Variants in PPP2R1B observed in about 807,000 individuals in gnomAD.
PPP2R1B encodes the protein serine/threonine-protein phosphatase 2A 65 kDa regulatory subunit A beta isoform.
PPP2R1B carries 58 observed loss-of-function variants against 72.7 expected under a neutral mutation model. The ratio of observed to expected loss-of-function variants is 0.80; its 90% CI spans 0.65 to 0.99. The LOEUF (loss-of-function observed/expected upper bound fraction) is 0.99, where lower values mean the gene tolerates loss of function less well. PPP2R1B is among the 50% of genes least tolerant of loss of function. PPP2R1B has a pLI of 0.00. For missense variants in PPP2R1B, 695 were observed against 733.6 expected (o/e 0.95, Z 0.61); for synonymous variants, 256 against 264.6 (o/e 0.97, Z 0.32).
At chr11:111,694,246 AAGGCTTTAAAGCCTTATT>A in the PPP2R1B span, among the ~76,000 whole-genome samples, 2 of 152,230 alleles carry the variant, frequency 1.3e-5, no homozygotes, top group African/African-American at 4.8e-5. Flanking sequence ...TTAATTAACT[AAGGCTTTAAAGCCTTATT>A]AATACAAACC....
the PPP2R1B span, among the ~76,000 whole-genome samples, chr11:111,706,566 T>G: frequency 5.3e-5 from 8 of 152,238 alleles, no homozygotes; most frequent in African/African-American, 1.9e-4. Context: ...TATAATAAAA[T>G]TTTGCATTGG....
chr11:111,751,775 C>T (rs1944916310), intron 10 of PPP2R1B, among the ~76,000 whole-genome samples: 1 of 152,126 alleles, frequency 6.6e-6, no homozygotes, highest in African/African-American at 2.4e-5. Context: ...GTCAGGAATT[C>T]AAGACCAGCC....
chr11:111,689,984 G>GTA, the PPP2R1B span, among the ~76,000 whole-genome samples: 406 of 148,732 alleles, frequency 2.7e-3, no homozygotes, highest in South Asian at 0.015. Flanking sequence ...GTGTGTATGT[G>GTA]TATATATATA....
the PPP2R1B span, among the ~76,000 whole-genome samples, chr11:111,698,718 A>G: frequency 6.6e-6 from 1 of 152,242 alleles, no homozygotes. Context: ...CTCAAAAAAG[A>G]AAAGAAAGAA....
At chr11:111,742,186 G>A in intron 13 of PPP2R1B, 42 bp from the exon 14 acceptor site, 1 of 1,470,218 alleles carries the variant, frequency 6.8e-7, no homozygotes, top group South Asian at 1.1e-5. Context: ...AGTCTAATGG[G>A]CCATAGAAAT....
downstream of PPP2R1B, chr11:111,737,620 C>T: frequency 1.2e-6 from 2 of 1,609,998 alleles, no homozygotes; most frequent in Non-Finnish European, 8.5e-7. Flanking sequence ...GGGCACATCC[C>T]TCCCAAGCCC....
At chr11:111,693,144 C>T in the PPP2R1B span, among the ~76,000 whole-genome samples, 6 of 151,960 alleles carry the variant, frequency 3.9e-5, no homozygotes, top group East Asian at 1.9e-4. Flanking sequence ...CCATCCTGGC[C>T]AACATGGTGA....
intron 1 of PPP2R1B, 199 bp downstream of exon 1, chr11:111,766,049 G>A (rs1945522554): frequency 1.6e-6 from 1 of 614,752 alleles, no homozygotes; most frequent in African/African-American, 1.9e-5. Context: ...CCGAAGCAAG[G>A]TTACTAGAGA....
chr11:111,711,942 T>C, the PPP2R1B span, among the ~76,000 whole-genome samples: 2 of 152,250 alleles, frequency 1.3e-5, no homozygotes, highest in African/African-American at 4.8e-5. Context: ...AAAAGCTAGC[T>C]TTCTCGTCAC....
At chr11:111,756,225 A>AG (rs1207224424) in intron 5 of PPP2R1B, among the ~76,000 whole-genome samples, 1 of 148,630 alleles carries the variant, frequency 6.7e-6, no homozygotes, top group Non-Finnish European at 1.5e-5. Flanking sequence ...ACAAAAAGGA[A>AG]AAAAAAAAAA....
At chr11:111,706,253 T>C in the PPP2R1B span, among the ~76,000 whole-genome samples, 1 of 152,226 alleles carries the variant, frequency 6.6e-6, no homozygotes. Flanking sequence ...TATAAAGTAA[T>C]AAATAATTGC....
intron 2 of PPP2R1B, 75 bp from the exon 3 acceptor site, chr11:111,764,980 C>G (rs1215118128): frequency 6.4e-7 from 1 of 1,570,868 alleles, no homozygotes; most frequent in Non-Finnish European, 8.6e-7. Context: ...AAACTAGGAA[C>G]AGATTCACTA....
chr11:111,735,460 C>CG (rs1297073493), downstream of PPP2R1B: 1 of 152,252 alleles, frequency 6.6e-6, no homozygotes, highest in East Asian at 1.9e-4. Context: ...GCAGCTTCAG[C>CG]GGGGGCACCC....
rs1555050710 is a variant in PPP2R1B at position 111,759,834 on chromosome 11, T to C, written c.657A>G (p.Pro219=). The part of the protein sequence containing the change: ...ELDSVKSEIV[P]LFTSLASDEQ... ...CATCTGAAGCTAGACTAGTGAACAG[T>C]GGAACAATTTCACTTTTCACACTGT... The change falls in exon 5 of 15, where the codon CCA becomes CCG. Residue 219 remains proline, a synonymous_variant. Coordinates refer to ENST00000527614, the MANE Select transcript of PPP2R1B (RefSeq NM_002716.5). 1 of 1,614,026 alleles carries C rather than the reference T, an allele frequency of 6.2e-7. No individual in the cohort carries two copies. Among genetic ancestry groups the C allele is most frequent in the Non-Finnish European group, 8.5e-7 (1 of 1,179,938 alleles).
At chr11:111,721,770 G>A in the PPP2R1B span, 24 of 1,360,666 alleles carry the variant, frequency 1.8e-5, no homozygotes, top group Non-Finnish European at 2.4e-5. Context: ...CTTCAGCTAA[G>A]AACTGAGACG....
intron 12 of PPP2R1B, 24 bp from the exon 13 acceptor site, chr11:111,742,689 C>A: frequency 6.4e-7 from 1 of 1,558,180 alleles, no homozygotes; most frequent in Non-Finnish European, 8.7e-7. Flanking sequence ...TAAGATGGCA[C>A]ATTTAAAATA....
the PPP2R1B span, among the ~76,000 whole-genome samples, chr11:111,700,381 A>G: frequency 6.6e-6 from 1 of 151,964 alleles, no homozygotes; most frequent in South Asian, 2.1e-4. Flanking sequence ...CAACACTTAG[A>G]GGGTTGTTAC....
At chr11:111,741,895 G>C in intron 14 of PPP2R1B, 158 bp downstream of exon 14, 4 of 797,970 alleles carry the variant, frequency 5.0e-6, no homozygotes, top group Non-Finnish European at 8.6e-6. Flanking sequence ...TGGGCCAAGA[G>C]GGTTCTAATC....
the PPP2R1B span, among the ~76,000 whole-genome samples, chr11:111,690,266 G>A: frequency 1.4e-5 from 2 of 141,498 alleles, no homozygotes. Context: ...TTCAGAGAAG[G>A]TCTTTCTTTT....
Sources: gnomAD v4.1 joint callset for allele counts (sites outside exome capture counted in the v4.1 genomes callset) on GRCh38, gnomAD v4.1.1 for gene constraint, MANE v1.5 for transcripts, NCBI Gene and HGNC (gene_info 2026-07-23, HGNC 2026-07-21) for gene names.